Variants in FOXO1 observed in about 807,000 individuals in gnomAD.
FOXO1 encodes forkhead box O1, also known as forkhead box protein O1.
A neutral mutation model predicts 44.1 loss-of-function variants in FOXO1; 6 were observed. That is an observed-to-expected ratio of 0.14 (90% CI 0.07 to 0.27). FOXO1 has a LOEUF of 0.27. FOXO1 is among the 10% of genes least tolerant of loss of function. The pLI is 1.00. For missense variants in FOXO1, 737 were observed against 888.8 expected (o/e 0.83, Z 2.17); for synonymous variants, 380 against 362.7 (o/e 1.05, Z -0.54).
intron 1 of FOXO1, among the ~76,000 whole-genome samples, chr13:40,647,266 C>A (rs1197157038): frequency 2.0e-5 from 3 of 152,206 alleles, no homozygotes; most frequent in East Asian, 3.9e-4. Context: ...AACCCTAATT[C>A]TTTTCTTAGC....
intron 1 of FOXO1, chr13:40,619,084 G>A: frequency 1.2e-5 from 5 of 422,518 alleles, no homozygotes; most frequent in South Asian, 9.2e-5. Flanking sequence ...TGGAGTTCAA[G>A]ACCAGCCTGG....
chr13:40,629,805 GGGA>G (rs1207901938), intron 1 of FOXO1, among the ~76,000 whole-genome samples: 1 of 152,154 alleles, frequency 6.6e-6, no homozygotes, highest in Non-Finnish European at 1.5e-5. Flanking sequence ...GCTAAAACCT[GGGA>G]GGAGATCACA....
intron 1 of FOXO1, among the ~76,000 whole-genome samples, chr13:40,651,541 G>C (rs1300813465): frequency 6.6e-6 from 1 of 151,140 alleles, no homozygotes; most frequent in Non-Finnish European, 1.5e-5. Context: ...TTCAAGAGAG[G>C]AAAAAATAAA....
intron 1 of FOXO1, among the ~76,000 whole-genome samples, chr13:40,578,107 A>T (rs1294366789): frequency 6.6e-6 from 1 of 152,178 alleles, no homozygotes; most frequent in African/African-American, 2.4e-5. Flanking sequence ...AATTGCACGC[A>T]AAGTTGAACA....
chr13:40,621,512 A>G (rs1165935457), intron 1 of FOXO1, among the ~76,000 whole-genome samples: 1 of 152,236 alleles, frequency 6.6e-6, no homozygotes, highest in Admixed American at 6.5e-5. Flanking sequence ...TAAAGAGGAA[A>G]TTTATATAAC....
rs944306322 is a variant in FOXO1 at position 40,661,006 on chromosome 13, A to G, written c.630+4577T>C. On this transcript the variant is annotated intron_variant, in intron 1 of 2. Coordinates refer to ENST00000379561, the MANE Select transcript of FOXO1 (RefSeq NM_002015.4). ...CAACAACAAAAATGAGAATCATTCAAAAAGAGGCCACTCTTCTCGCCATCC... is the reference window on the plus strand; with the variant it reads ...CAACAACAAAAATGAGAATCATTCAGAAAGAGGCCACTCTTCTCGCCATCC... Among the ~76,000 whole-genome samples, 5 of 152,092 alleles carry G rather than the reference A, an allele frequency of 3.3e-5. 1 individual carries two copies. Among genetic ancestry groups the G allele is most frequent in the Non-Finnish European group, 5.9e-5 (4 of 68,018 alleles).
At chr13:40,611,095 TC>T (rs777777885) in intron 1 of FOXO1, 1 of 456,100 alleles carries the variant, frequency 2.2e-6, no homozygotes, top group Non-Finnish European at 4.4e-6. Flanking sequence ...TTCAGTGGCA[TC>T]AATACTGCAC....
chr13:40,584,259 A>C (rs1875065496), intron 1 of FOXO1, among the ~76,000 whole-genome samples: 1 of 151,972 alleles, frequency 6.6e-6, no homozygotes, highest in Admixed American at 6.6e-5. Flanking sequence ...TATACCTCCA[A>C]GGCAGAGAGA....
At chr13:40,647,372 G>A (rs930424473) in intron 1 of FOXO1, among the ~76,000 whole-genome samples, 4 of 152,204 alleles carry the variant, frequency 2.6e-5, no homozygotes, top group African/African-American at 9.6e-5. Context: ...ATTTTCTCCT[G>A]TTAGAGTCTA....
intron 1 of FOXO1, among the ~76,000 whole-genome samples, chr13:40,603,353 C>CAAA (rs60741629): frequency 2.7e-4 from 20 of 73,896 alleles, no homozygotes; most frequent in Non-Finnish European, 3.4e-4. Flanking sequence ...CAGATGAATC[C>CAAA]AAAAAAAAAA....
At chr13:40,632,571 G>C (rs1463242480) in intron 1 of FOXO1, among the ~76,000 whole-genome samples, 1 of 151,982 alleles carries the variant, frequency 6.6e-6, no homozygotes, top group African/African-American at 2.4e-5. Flanking sequence ...CCGGGAGGCG[G>C]AGGTTGCAGT....
chr13:40,661,956 G>A (rs940936547), intron 1 of FOXO1, among the ~76,000 whole-genome samples: 1 of 151,820 alleles, frequency 6.6e-6, no homozygotes, highest in Non-Finnish European at 1.5e-5. Context: ...GGCAGATCAC[G>A]AGGTCAGGAG....
In FOXO1 at chr13:40,666,564, C is replaced by T; in HGVS notation, c.-352G>A. On this transcript the variant is annotated 5_prime_UTR_variant, in exon 1 of 3. Transcript: ENST00000379561. ...CGCTTGCTCTCCCCAGCGGCGCGCCCGCTGCGCTGCTGCCTGTTGAATGTG... is the reference window on the plus strand; with the variant it reads ...CGCTTGCTCTCCCCAGCGGCGCGCCTGCTGCGCTGCTGCCTGTTGAATGTG... 1 of 232,454 alleles carries T rather than the reference C, an allele frequency of 4.3e-6. No individual in the cohort carries two copies. Among genetic ancestry groups the T allele is most frequent in the Non-Finnish European group, 8.4e-6 (1 of 118,648 alleles). The allele number at this position is 232,454 out of a possible 1,614,324, so 14.4% of individuals were successfully genotyped here. A position where few individuals can be genotyped will look rare whatever the true frequency, so the allele number is the denominator to read the frequency against.
In FOXO1 at chr13:40,568,727, T is replaced by C. The variant is rs574456308; in HGVS notation, c.631-7867A>G. On this transcript the variant is annotated intron_variant, in intron 1 of 2. Transcript: ENST00000379561. ...GAATCGTTTCCTTCTTGCCCGAATA[T>C]CCTCAAAGACCACTATACCCCCCAC... is the stretch of plus-strand genomic sequence containing the variant. Among the ~76,000 whole-genome samples, 30 of 152,210 alleles carry C rather than the reference T, an allele frequency of 2.0e-4. No homozygotes were observed. In the South Asian group the frequency reaches 5.8e-3, roughly 30 times the overall value.
chr13:40,561,943 C>CAA (rs60373589), intron 1 of FOXO1, among the ~76,000 whole-genome samples: 1,861 of 67,434 alleles, frequency 0.028, 58 homozygotes, highest in African/African-American at 0.083. Flanking sequence ...ACTCTGTCGC[C>CAA]AAAAAAAAAA....
Position 40,564,091 on chromosome 13 carries a change from C to A in FOXO1, c.631-3231G>T, listed in dbSNP as rs550528615. Among the ~76,000 whole-genome samples, 15 of 152,284 alleles carry A rather than the reference C, an allele frequency of 9.9e-5. No individual in the cohort carries two copies. In the East Asian group the frequency reaches 2.9e-3, roughly 29 times the overall value. The stretch of plus-strand genomic sequence containing the variant: ...GAAGAAAGATCTTCCCAGATAGAAG[C>A]TTCCTGGTTGTTGCATTGACTTGGG... On this transcript the variant is annotated intron_variant, in intron 1 of 2. Coordinates refer to ENST00000379561, the MANE Select transcript of FOXO1 (RefSeq NM_002015.4).
At chr13:40,599,282 C>G (rs576892230) in intron 1 of FOXO1, among the ~76,000 whole-genome samples, 35 of 151,642 alleles carry the variant, frequency 2.3e-4, no homozygotes, top group Non-Finnish European at 4.9e-4. Flanking sequence ...AATTTATCTA[C>G]TATACAATTC....
chr13:40,566,381 T>TC (rs942564219), intron 1 of FOXO1, among the ~76,000 whole-genome samples: 3 of 146,678 alleles, frequency 2.0e-5, no homozygotes, highest in African/African-American at 7.4e-5. Context: ...TGACTTTCAT[T>TC]TTTTTTTTTT....
intron 1 of FOXO1, among the ~76,000 whole-genome samples, chr13:40,664,163 C>G (rs1488372080): frequency 6.6e-6 from 1 of 152,172 alleles, no homozygotes; most frequent in Non-Finnish European, 1.5e-5. Context: ...ATCCCAGCTA[C>G]TCGGGAGGCT....
Sources: gnomAD v4.1 joint callset for allele counts (sites outside exome capture counted in the v4.1 genomes callset) on GRCh38, gnomAD v4.1.1 for gene constraint, MANE v1.5 for transcripts, NCBI Gene and HGNC (gene_info 2026-07-23, HGNC 2026-07-21) for gene names.